The following SIRPA variants were observed in gnomAD, a reference collection of about 807,000 sequenced individuals.
SIRPA encodes the protein tyrosine-protein phosphatase non-receptor type substrate 1.
In SIRPA, 9 loss-of-function variants were observed where a neutral mutation model predicts 50.3. The observed-to-expected ratio is 0.18, with a 90% CI of 0.11 to 0.31. The LOEUF (loss-of-function observed/expected upper bound fraction) is 0.31, where lower values mean the gene tolerates loss of function less well. Ranked by LOEUF, SIRPA falls within the 10% of genes least tolerant of loss-of-function variation. The pLI is 1.00. For synonymous variants in SIRPA, 265 were observed against 284.1 expected (o/e 0.93, Z 0.68); for missense variants, 474 against 661.6 (o/e 0.72, Z 3.11).
At chr20:1,914,707 CT>C (rs139228210) in intron 1 of SIRPA, among the ~76,000 whole-genome samples, 61,293 of 151,250 alleles carry the variant, frequency 0.41, 12,650 homozygotes, top group East Asian at 0.66. Flanking sequence ...GAAACAGAAT[CT>C]TAACACCTTG....
Position 1,921,600 on chromosome 20 carries a change from G to A in SIRPA, c.642G>A (p.Lys214=), listed in dbSNP as rs538478235. ...SVSYSIHSTA[K]VVLTREDVHS... is the part of the protein sequence containing the mutation. ...CCTACAGCATCCACAGCACAGCCAA[G>A]GTGGTGCTGACCCGCGAGGACGTTC... Residue 214 remains lysine (K), a synonymous_variant, in exon 3 of 8, where the codon AAG becomes AAA. Transcript: ENST00000358771. The A allele has an allele frequency of 1.2e-6, 2 of 1,614,226 alleles. No individual in the cohort carries two copies. The highest frequency in any genetic ancestry group is 1.1e-5 in the South Asian group (1 of 91,082).
Position 1,928,025 on chromosome 20 carries a change from C to T in SIRPA, c.1226+126C>T, listed in dbSNP as rs576900828. 1.2e-6 allele frequency: 1 copy of T among 846,956 alleles called. No individual in the cohort carries two copies. Among genetic ancestry groups the T allele is most frequent in the South Asian group, 1.4e-5 (1 of 73,474 alleles). The allele number at this position is 846,956 out of a possible 1,614,324, so 52.5% of individuals were successfully genotyped here. A position where few individuals can be genotyped will look rare whatever the true frequency, so the allele number is the denominator to read the frequency against. Reference sequence around the variant, plus strand: ...TGTGTTGGTCAACATGTCTCTTTCTCTCCTTTGTAACCTCCTCACACTGGG... The same window carrying T: ...TGTGTTGGTCAACATGTCTCTTTCTTTCCTTTGTAACCTCCTCACACTGGG... On this transcript the variant is annotated intron_variant, in intron 6 of 7. Transcript: ENST00000358771. The surrounding 1 kb of genome is among the most constrained non-coding windows in gnomAD (Gnocchi z 4.9).
intron 5 of SIRPA, among the ~76,000 whole-genome samples, chr20:1,926,015 G>A (rs1435150474): frequency 6.6e-6 from 1 of 152,196 alleles, no homozygotes. Context: ...AAAGGGACAA[G>A]TGCTGTCCCG....
intron 2 of SIRPA, among the ~76,000 whole-genome samples, chr20:1,916,905 A>C (rs1985337455): frequency 6.6e-6 from 1 of 152,202 alleles, no homozygotes; most frequent in South Asian, 2.1e-4. Flanking sequence ...CCTCCTAGAC[A>C]TTATAACAAT....
At chr20:1,913,697 G>A (rs923948919) in intron 1 of SIRPA, among the ~76,000 whole-genome samples, 1 of 152,136 alleles carries the variant, frequency 6.6e-6, no homozygotes, top group Non-Finnish European at 1.5e-5. Flanking sequence ...CTGTCTCTCA[G>A]GCATGTGTTT....
intron 2 of SIRPA, among the ~76,000 whole-genome samples, chr20:1,919,730 C>G (rs542299612): frequency 3.9e-5 from 6 of 152,240 alleles, no homozygotes; most frequent in African/African-American, 1.4e-4. Context: ...GTAAATGGCT[C>G]TTCTGGAGGG....
chr20:1,910,148 G>A (rs6045375), intron 1 of SIRPA, among the ~76,000 whole-genome samples: 2,838 of 152,176 alleles, frequency 0.019, 103 homozygotes, highest in African/African-American at 0.064. Flanking sequence ...TGCCTCGAGG[G>A]TGGAAGCTCC....
intron 1 of SIRPA, among the ~76,000 whole-genome samples, chr20:1,903,095 A>T (rs1238774043): frequency 1.3e-5 from 2 of 151,338 alleles, no homozygotes; most frequent in Non-Finnish European, 2.9e-5. Flanking sequence ...TCCATGTGGG[A>T]GGAATGGCAG....
intron 1 of SIRPA, among the ~76,000 whole-genome samples, chr20:1,903,160 GC>G (rs1984339475): frequency 6.6e-6 from 1 of 152,168 alleles, no homozygotes; most frequent in South Asian, 2.1e-4. Context: ...TTGCAAAGAG[GC>G]CAGTGGGGCT....
chr20:1,907,717 G>A (rs899184624), intron 1 of SIRPA, among the ~76,000 whole-genome samples: 5 of 152,236 alleles, frequency 3.3e-5, no homozygotes, highest in Non-Finnish European at 5.9e-5. Context: ...TAGTCTCAAG[G>A]GCAAGGGCCT....
Position 1,927,893 on chromosome 20 carries a change from C to G in SIRPA, c.1220C>G (p.Ser407Cys), listed in dbSNP as rs1445393851. The change falls in exon 6 of 8, where the codon TCT becomes TGT. Residue 407 changes from serine (S) to cysteine (C), a missense_variant. By Grantham distance (112) the Ser-to-Cys change is moderately radical. Around this residue, in one of 4 missense-constraint regions of SIRPA, gnomAD observed 180 missense variants for 206.7 expected, o/e 0.87. Transcript: ENST00000358771. This position sits in a 1 kb window ranked among gnomAD's most constrained non-coding sequence, Gnocchi z 6.5. ...RQKKAQGSTS[S>C]TRLHEPEKNA... ...CTTTCAGCCCAGGGCTCCACTTCTT[C>G]TACAAGGTAAGTGCATCATTGGTCC... 1 of 1,613,934 alleles carries G rather than the reference C, an allele frequency of 6.2e-7. No homozygotes were observed. The highest frequency in any genetic ancestry group is 1.7e-5 in the Admixed American group (1 of 60,026).
intron 1 of SIRPA, 56 bp downstream of exon 1, chr20:1,895,582 C>T (rs887810198): frequency 1.2e-5 from 15 of 1,288,418 alleles, no homozygotes; most frequent in Admixed American, 7.9e-5. Context: ...GCTCAGGCCT[C>T]TCAGACTGGC....
rs574721323 is a variant in SIRPA at position 1,928,536 on chromosome 20, G to A, written c.1226+637G>A. ...GCCCAGGCTTTCATGGGGCTCAGAC[G>A]CCGGTGAGAGAAACAGGCATAAACG... On this transcript the variant is annotated intron_variant, in intron 6 of 7. Coordinates refer to ENST00000358771, the MANE Select transcript of SIRPA (RefSeq NM_001040023.2). This position sits in a 1 kb window ranked among gnomAD's most constrained non-coding sequence, Gnocchi z 4.9. 4.6e-5 allele frequency among the ~76,000 whole-genome samples: 7 copies of A among 152,314 alleles called. No homozygotes were observed. The highest frequency in any genetic ancestry group is 9.6e-5 in the African/African-American group (4 of 41,564).
rs995608186 is a variant in SIRPA at position 1,898,009 on chromosome 20, C to T, written c.79+2483C>T. Among the ~76,000 whole-genome samples the T allele has an allele frequency of 2.0e-5, 3 of 152,228 alleles. No homozygotes were observed. Among genetic ancestry groups the T allele is most frequent in the Non-Finnish European group, 2.9e-5 (2 of 68,050 alleles). On this transcript the variant is annotated intron_variant, in intron 1 of 7. Transcript: ENST00000358771. This position sits in a 1 kb window ranked among gnomAD's most constrained non-coding sequence, Gnocchi z 4.3. ...TGTCAGCAGGGCCTGACGCTGAACC[C>T]GCAGGATGCCTGCTTGGCCCCAGGT...
At chr20:1,916,038 C>T (rs1173309908) in intron 2 of SIRPA, among the ~76,000 whole-genome samples, 2 of 152,218 alleles carry the variant, frequency 1.3e-5, no homozygotes, top group Non-Finnish European at 2.9e-5. Flanking sequence ...AGAGGAGAAG[C>T]CAGAGGGTTG....
rs869181595 is a variant in SIRPA at position 1,901,163 on chromosome 20, C to CTTTTT, written c.79+5658_79+5662dup. Among the ~76,000 whole-genome samples the CTTTTT allele has an allele frequency of 4.2e-3, 334 of 78,886 alleles. 1 individual carries two copies. Among genetic ancestry groups the CTTTTT allele is most frequent in the Non-Finnish European group, 4.9e-3 (217 of 44,276 alleles). 51.8% of individuals were successfully genotyped at this position (78,886 alleles called of 152,430 possible). On this transcript the variant is annotated intron_variant, in intron 1 of 7. Transcript: ENST00000358771. Reference sequence around the variant, plus strand: ...TTGTTTTTTCTTCCTTTCTTTCTTTCTTTTTTTTTTTTTTTTTTTTTTTTT... The same window carrying CTTTTT: ...TTGTTTTTTCTTCCTTTCTTTCTTTCTTTTTTTTTTTTTTTTTTTTTTTTTTTTTT...
intron 1 of SIRPA, among the ~76,000 whole-genome samples, chr20:1,906,405 C>A (rs1315578048): frequency 6.6e-6 from 1 of 152,112 alleles, no homozygotes. Flanking sequence ...GATGACATAT[C>A]GAACAATGAA....
chr20:1,910,560 C>T (rs1984827671), intron 1 of SIRPA, among the ~76,000 whole-genome samples: 1 of 152,204 alleles, frequency 6.6e-6, no homozygotes, highest in Admixed American at 6.5e-5. Flanking sequence ...TATCGAGCGT[C>T]TACACTGTGC....
chr20:1,916,172 C>T (rs1373714739), intron 2 of SIRPA, among the ~76,000 whole-genome samples: 3 of 152,198 alleles, frequency 2.0e-5, no homozygotes, highest in East Asian at 1.9e-4. Context: ...GAGGAGGTCT[C>T]CCTTCTAGGT....
Sources: allele counts gnomAD v4.1 joint callset (sites outside exome capture counted in the v4.1 genomes callset), GRCh38; gene constraint gnomAD v4.1.1; regional missense constraint gnomAD v4.1.1; non-coding constraint Gnocchi (gnomAD v3.1); transcripts MANE v1.5; gene names NCBI Gene and HGNC (gene_info 2026-07-23, HGNC 2026-07-21).